Variants in CDH13 observed in about 807,000 individuals in gnomAD.
CDH13 encodes the protein cadherin 13.
Under a neutral mutation model 63.8 loss-of-function variants are expected in CDH13, and 24 were observed. The ratio of observed to expected loss-of-function variants is 0.38; its 90% CI spans 0.27 to 0.53. The LOEUF is 0.53. CDH13 is among the 20% of genes least tolerant of loss of function. The pLI is 0.85. For missense variants in CDH13, 1,049 were observed against 903.1 expected (o/e 1.16, Z -2.07); for synonymous variants, 503 against 355.3 (o/e 1.42, Z -4.67).
rs555403289 is a variant in CDH13 at position 83,337,341 on chromosome 16, T to G, written c.637-7521T>G. ...GGCTGAAACTGCTCTCCAACTTAGCTTCCCTTCTGGCTCCTGTGGTTTTTC... is the reference window on the plus strand; with the variant it reads ...GGCTGAAACTGCTCTCCAACTTAGCGTCCCTTCTGGCTCCTGTGGTTTTTC... On this transcript the variant is annotated intron_variant, in intron 5 of 13. Transcript: ENST00000567109. Among the ~76,000 whole-genome samples the G allele has an allele frequency of 5.9e-5, 9 of 152,254 alleles. No homozygotes were observed. In the East Asian group the frequency reaches 1.4e-3, roughly 23 times the overall value.
intron 1 of CDH13, among the ~76,000 whole-genome samples, chr16:82,763,581 T>G (rs2034936263): frequency 6.6e-6 from 1 of 152,256 alleles, no homozygotes; most frequent in Non-Finnish European, 1.5e-5. Context: ...TGCATATATT[T>G]GACAATGATA....
intron 2 of CDH13, among the ~76,000 whole-genome samples, chr16:82,872,799 C>A (rs1005819346): frequency 6.6e-6 from 1 of 152,106 alleles, no homozygotes; most frequent in Non-Finnish European, 1.5e-5. Context: ...ATATTGAGTC[C>A]CTACCACTCA....
intron 6 of CDH13, among the ~76,000 whole-genome samples, chr16:83,456,284 G>A (rs996400996): frequency 3.9e-5 from 6 of 152,322 alleles, no homozygotes; most frequent in Middle Eastern, 3.4e-3. Flanking sequence ...TCACTAAATC[G>A]AATGGACCAG....
chr16:83,152,814 A>G (rs1204124091), intron 4 of CDH13, among the ~76,000 whole-genome samples: 1 of 152,156 alleles, frequency 6.6e-6, no homozygotes, highest in Non-Finnish European at 1.5e-5. Context: ...ATTAGTTAAG[A>G]TGGGGTTATA....
rs573462098 is a variant in CDH13 at position 83,213,913 on chromosome 16, C to G, written c.484-3432C>G. On this transcript the variant is annotated intron_variant, in intron 4 of 13. Transcript: ENST00000567109. ...TTTGTAAAATGCACCAATCAGTGCT[C>G]TGTAAAAACGCACCAATCTGCACTC... is the stretch of plus-strand genomic sequence containing the variant. 2.7e-4 allele frequency among the ~76,000 whole-genome samples: 41 copies of G among 152,166 alleles called. No homozygotes were observed. In the East Asian group the frequency reaches 7.8e-3, roughly 29 times the overall value.
At chr16:83,083,453 A>G (rs2033391876) in intron 3 of CDH13, among the ~76,000 whole-genome samples, 1 of 152,212 alleles carries the variant, frequency 6.6e-6, no homozygotes, top group Admixed American at 6.5e-5. Context: ...CTGGAGGTGG[A>G]ACAAAATCCT....
intron 1 of CDH13, among the ~76,000 whole-genome samples, chr16:82,842,147 T>TATATATATATATATATACATAC (rs1567590566): frequency 4.7e-5 from 1 of 21,424 alleles, no homozygotes; most frequent in Admixed American, 5.4e-4. Flanking sequence ...TACACATATA[T>TATATATATATATATATACATAC]ATATATATAT....
chr16:83,426,946 G>A (rs1451809398), intron 6 of CDH13, among the ~76,000 whole-genome samples: 6 of 99,756 alleles, frequency 6.0e-5, no homozygotes, highest in East Asian at 2.4e-4. Context: ...TTTTGAAGAC[G>A]GAGTCTCGCT....
chr16:83,382,453 A>G (rs1274753986), intron 6 of CDH13, among the ~76,000 whole-genome samples: 2 of 152,156 alleles, frequency 1.3e-5, no homozygotes, highest in African/African-American at 2.4e-5. Context: ...ATCCCCAGCT[A>G]TTCACATTTC....
chr16:83,092,503 C>A (rs74841162), intron 3 of CDH13, among the ~76,000 whole-genome samples: 2,589 of 152,288 alleles, frequency 0.017, 73 homozygotes, highest in African/African-American at 0.059. Context: ...AGCCCTAGTT[C>A]CTTTTGAGCA....
intron 1 of CDH13, among the ~76,000 whole-genome samples, chr16:82,855,858 T>G (rs1159576725): frequency 2.0e-5 from 3 of 152,158 alleles, no homozygotes. Flanking sequence ...TTCAGTGCAT[T>G]TCAGAGGGCT....
At chr16:83,687,566 G>C (rs959212117) in intron 10 of CDH13, among the ~76,000 whole-genome samples, 7 of 152,300 alleles carry the variant, frequency 4.6e-5, no homozygotes, top group African/African-American at 1.7e-4. Flanking sequence ...TCCAACATTG[G>C]AGATTATATT....
chr16:82,750,731 C>T (rs1025824973), intron 1 of CDH13, among the ~76,000 whole-genome samples: 1 of 152,076 alleles, frequency 6.6e-6, no homozygotes, highest in Non-Finnish European at 1.5e-5. Flanking sequence ...TTCTCTAAGT[C>T]CACCTGGAGC....
chr16:83,726,687 A>C (rs1048816377), intron 10 of CDH13, among the ~76,000 whole-genome samples: 17 of 152,080 alleles, frequency 1.1e-4, no homozygotes, highest in African/African-American at 4.1e-4. Flanking sequence ...TACAAAAAAA[A>C]ATTAGCCGAG....
intron 2 of CDH13, among the ~76,000 whole-genome samples, chr16:82,900,317 A>G (rs2041419675): frequency 6.6e-6 from 1 of 152,234 alleles, no homozygotes. Context: ...AAACAGGCCA[A>G]GCCAAATAAA....
At chr16:82,690,487 G>C (rs12932203) in intron 1 of CDH13, among the ~76,000 whole-genome samples, 3 of 151,970 alleles carry the variant, frequency 2.0e-5, no homozygotes, top group Non-Finnish European at 4.4e-5. Context: ...ATCCAGAAGA[G>C]GAAGCACACA....
intron 7 of CDH13, among the ~76,000 whole-genome samples, chr16:83,585,014 G>A (rs1272063308): frequency 6.6e-6 from 1 of 152,098 alleles, no homozygotes; most frequent in Admixed American, 6.5e-5. Context: ...CTCCCACCAG[G>A]CCCCACCTCC....
chr16:82,733,442 A>G (rs1047554655), intron 1 of CDH13, among the ~76,000 whole-genome samples: 1 of 152,206 alleles, frequency 6.6e-6, no homozygotes, highest in African/African-American at 2.4e-5. Flanking sequence ...CCCAATTTGT[A>G]AACATGATCA....
At chr16:82,817,316 C>T (rs1338209710) in intron 1 of CDH13, among the ~76,000 whole-genome samples, 1 of 152,110 alleles carries the variant, frequency 6.6e-6, no homozygotes. Context: ...ATGAGCAGCT[C>T]TTCTTAGCTC....
Sources: gnomAD v4.1 joint callset for allele counts (sites outside exome capture counted in the v4.1 genomes callset) on GRCh38, gnomAD v4.1.1 for gene constraint, MANE v1.5 for transcripts, NCBI Gene and HGNC (gene_info 2026-07-23, HGNC 2026-07-21) for gene names.